Variants in SSC5D observed in about 807,000 individuals in gnomAD.
SSC5D encodes the protein soluble scavenger receptor cysteine-rich domain-containing protein SSC5D.
SSC5D carries 106 observed loss-of-function variants against 104.6 expected under a neutral mutation model. The ratio of observed to expected loss-of-function variants is 1.01; its 90% confidence interval spans 0.87 to 1.19. The LOEUF is 1.19. SSC5D is among the 50% of genes most tolerant of loss of function. SSC5D has a pLI of 0.00. For synonymous variants in SSC5D, 860 were observed against 883.5 expected (o/e 0.97, Z 0.47); for missense variants, 1,993 against 2,153.8 (o/e 0.93, Z 1.48).
intron 7 of SSC5D, 53 bp downstream of exon 7, chr19:55,493,965 G>A (rs536658849): frequency 2.5e-4 from 150 of 595,848 alleles, no homozygotes; most frequent in Non-Finnish European, 3.7e-4. Flanking sequence ...TGCTTGGAGC[G>A]GAGGGGCAAG....
rs1255693143 is a variant in SSC5D at position 55,489,553 on chromosome 19, C to T, written c.252C>T (p.Leu84=). Residue 84 remains leucine (L), a synonymous_variant, in exon 3 of 14, where the codon CTC becomes CTT. Coordinates refer to ENST00000389623, the MANE Select transcript of SSC5D (RefSeq NM_001144950.2). ...FFGEGAGPVW[L]SELACRGNEG... ...GGGAGGGGGCAGGGCCTGTGTGGCT[C>T]AGCGAGCTGGCTTGCCGGGGCAACG... 8 of 1,501,018 alleles carry T rather than the reference C, an allele frequency of 5.3e-6. No homozygotes were observed. The highest frequency in any genetic ancestry group is 7.1e-6 in the Non-Finnish European group (8 of 1,129,258). 93.0% of individuals were successfully genotyped at this position (1,501,018 alleles called of 1,614,324 possible). A position where few individuals can be genotyped will look rare whatever the true frequency, so the allele number is the denominator to read the frequency against.
rs866679288 is a variant in SSC5D, at chr19:55,501,058, C to T, written c.2642C>T (p.Pro881Leu). The T allele has an allele frequency of 6.4e-7, 1 of 1,551,866 alleles. No homozygotes were observed. Among genetic ancestry groups the T allele is most frequent in the Non-Finnish European group, 8.7e-7 (1 of 1,147,004 alleles). Residue 881 changes from proline (P) to leucine (L), a missense_variant, in exon 12 of 14, where the codon CCC becomes CTC. Transcript: ENST00000389623. ...GGCTACACAGACTATGACGATTATC[C>T]CCCCTGGACCTGGGACCCCACCTCA... ...CTGYTDYDDYPPWTWDPTSRE... is the reference protein window; with the variant it reads ...CTGYTDYDDYLPWTWDPTSRE...
intron 12 of SSC5D, among the ~76,000 whole-genome samples, chr19:55,507,312 G>C (rs1460262529): frequency 2.9e-5 from 4 of 139,406 alleles, no homozygotes; most frequent in Admixed American, 1.5e-4. Flanking sequence ...CCACTGCACT[G>C]CAGCCTGGAT....
intron 6 of SSC5D, among the ~76,000 whole-genome samples, 181 bp from the exon 7 acceptor site, chr19:55,493,414 C>G (rs906891939): frequency 6.6e-6 from 1 of 152,214 alleles, no homozygotes; most frequent in African/African-American, 2.4e-5. Flanking sequence ...ATGGGGGATG[C>G]GCCAGAGTTG....
At position 55,497,952 on chromosome 19, in the gene SSC5D, G is replaced by A. The variant is rs756479145; in HGVS notation, c.1460G>A (p.Arg487His). ...CGACTGGAGGTGTGGCATGACCAGC[G>A]CTGGGGGACCGTGTGTGACGATAGC... ...SGRLEVWHDQRWGTVCDDSWD... is the reference protein window; with the variant it reads ...SGRLEVWHDQHWGTVCDDSWD... The change falls in exon 9 of 14, where the codon CGC (arginine) becomes CAC (histidine). Residue 487 changes from arginine (R) to histidine (H), a missense_variant. Physicochemically the swap from Arg to His is conservative, Grantham distance 29. This residue lies in a region of SSC5D where 1,101 missense variants were observed against 1,085.0 expected (regional missense o/e 1.01). Transcript: ENST00000389623. The A allele has an allele frequency of 3.0e-5, 46 of 1,551,864 alleles. No individual in the cohort carries two copies. The highest frequency in any genetic ancestry group is 3.7e-5 in the Non-Finnish European group (42 of 1,147,034).
At chr19:55,512,752 G>A (rs1035553649) in intron 12 of SSC5D, among the ~76,000 whole-genome samples, 3 of 152,172 alleles carry the variant, frequency 2.0e-5, no homozygotes, top group African/African-American at 7.2e-5. Flanking sequence ...CAAAGTGCTG[G>A]GATTACAAGC....
rs1987371421 is a variant in SSC5D at position 55,498,039 on chromosome 19, C to T, written c.1547C>T (p.Pro516Leu). 1.3e-6 allele frequency: 2 copies of T among 1,551,636 alleles called. No individual in the cohort carries two copies. The highest frequency in any genetic ancestry group is 1.7e-6 in the Non-Finnish European group (2 of 1,147,024). ...CTGGGCTGTGGTGGACCTCAGCAGC[C>T]AGACCCTGCTGCTGGCCGCTTTGGC... ...RELGCGGPQQ[P>L]DPAAGRFGWG... Residue 516 changes from proline (P) to leucine (L), a missense_variant, in exon 9 of 14, where the codon CCA becomes CTA. Pro to Leu is a moderately conservative substitution (Grantham distance 98). Transcript: ENST00000389623.
chr19:55,513,784 C>T (rs1987809629), intron 13 of SSC5D, among the ~76,000 whole-genome samples: 1 of 152,132 alleles, frequency 6.6e-6, no homozygotes, highest in South Asian at 2.1e-4. Context: ...AACAAAGAAC[C>T]ACCCAGCCCT....
At chr19:55,516,452 A>T (rs4801169) in intron 13 of SSC5D, among the ~76,000 whole-genome samples, 3 of 150,648 alleles carry the variant, frequency 2.0e-5, no homozygotes, top group Non-Finnish European at 4.4e-5. Flanking sequence ...AGCCGAGATC[A>T]CGCCACTGCA....
intron 13 of SSC5D, among the ~76,000 whole-genome samples, chr19:55,516,911 C>T (rs941038944): frequency 6.6e-6 from 1 of 151,928 alleles, no homozygotes; most frequent in African/African-American, 2.4e-5. Context: ...CCCTCCCGCA[C>T]CCCAGCACCC....
chr19:55,501,222 G>A (rs1048624533), intron 12 of SSC5D, 21 bp downstream of exon 12: 33 of 1,486,524 alleles, frequency 2.2e-5, no homozygotes, highest in Non-Finnish European at 2.9e-5. Context: ...TGATTGGGGT[G>A]GCCATGGAGG....
chr19:55,488,938 C>A, intron 1 of SSC5D, 68 bp from the exon 2 acceptor site: 1 of 971,090 alleles, frequency 1.0e-6, no homozygotes, highest in Non-Finnish European at 1.6e-6. Context: ...GATGAGGGGC[C>A]TGCGCTGGAG....
chr19:55,491,144 C>T (rs1987134120), intron 6 of SSC5D, 64 bp downstream of exon 6: 3 of 1,485,712 alleles, frequency 2.0e-6, no homozygotes, highest in South Asian at 2.7e-5. Flanking sequence ...TCTTGCCCCT[C>T]CAGGAAGCTG....
At chr19:55,491,192 G>A in intron 6 of SSC5D, 112 bp downstream of exon 6, 1 of 1,236,408 alleles carries the variant, frequency 8.1e-7, no homozygotes. Context: ...CTGCCCGCCT[G>A]CTCTCTGCAT....
Position 55,494,669 on chromosome 19 carries a change from A to T in SSC5D, c.1273A>T (p.Arg425Trp). ...CACGGACAGCAACAACTCCACGCCC[A>T]GGGAGGCTGCCTCCAGGCCCCCGTC... is the stretch of plus-strand genomic sequence containing the variant. Reference protein sequence around the residue: ...APTDSNNSTPREAASRPPSTM... With the variant: ...APTDSNNSTPWEAASRPPSTM... The change falls in exon 8 of 14, where the codon AGG becomes TGG. Residue 425 changes from arginine (R) to tryptophan (W), a missense_variant. Arg to Trp is a moderately radical substitution (Grantham distance 101). Around this residue, in one of 6 missense-constraint regions of SSC5D, gnomAD observed 1,101 missense variants for 1,085.0 expected, o/e 1.01. Coordinates refer to ENST00000389623, the MANE Select transcript of SSC5D (RefSeq NM_001144950.2). The T allele has an allele frequency of 6.5e-7, 1 of 1,547,898 alleles. No homozygotes were observed. Among genetic ancestry groups the T allele is most frequent in the Non-Finnish European group, 8.7e-7 (1 of 1,145,610 alleles).
At position 55,517,903 on chromosome 19, in the gene SSC5D, C is replaced by G; in HGVS notation, c.3627C>G (p.Ile1209Met). The G allele has an allele frequency of 6.9e-7, 1 of 1,444,146 alleles. No homozygotes were observed. The highest frequency in any genetic ancestry group is 9.2e-7 in the Non-Finnish European group (1 of 1,082,322). 89.5% of individuals were successfully genotyped at this position (1,444,146 alleles called of 1,614,324 possible). A position where few individuals can be genotyped will look rare whatever the true frequency, so the allele number is the denominator to read the frequency against. Residue 1209 changes from isoleucine (I) to methionine (M), a missense_variant, in exon 14 of 14, where the codon ATC (isoleucine) becomes ATG (methionine). Around this residue, in one of 6 missense-constraint regions of SSC5D, gnomAD observed 20 missense variants for 102.5 expected, o/e 0.20. Transcript: ENST00000389623. ...CAACCCCTCAACCCTTCACCACCAT[C>G]ACTCACTCCACCATGATTCCTGACC... ...PTTTPQPFTT[I>M]THSTMIPDPT...
Position 55,490,396 on chromosome 19 carries a change from G to GC in SSC5D, c.580dup (p.Arg194ProfsTer31), listed in dbSNP as rs1289848908. 25 of 1,422,576 alleles carry GC rather than the reference G, an allele frequency of 1.8e-5. No individual in the cohort carries two copies. Among genetic ancestry groups the GC allele is most frequent in the Admixed American group, 2.3e-5 (1 of 43,008 alleles). The allele number at this position is 1,422,576 out of a possible 1,614,324, so 88.1% of individuals were successfully genotyped here. ...CCGGGCCCCTCTGCTGACGACAGGA[G>GC]CCCCCCGCCAAGGTAAGCTCCCTGC... On this transcript the variant is annotated frameshift_variant, in exon 5 of 14. Coordinates refer to ENST00000389623, the MANE Select transcript of SSC5D (RefSeq NM_001144950.2). LOFTEE classifies it high-confidence loss of function.
At chr19:55,509,772 T>C (rs1299325105) in intron 12 of SSC5D, among the ~76,000 whole-genome samples, 1 of 136,394 alleles carries the variant, frequency 7.3e-6, no homozygotes, top group African/African-American at 2.8e-5. Context: ...GGCAGGAGAA[T>C]GGCTTGAAAC....
rs1568485757 is a variant in SSC5D at position 55,517,324 on chromosome 19, A to G, written c.3048A>G (p.Gly1016=). Residue 1016 remains glycine (G), a synonymous_variant, in exon 14 of 14, where the codon GGA becomes GGG. Coordinates refer to ENST00000389623, the MANE Select transcript of SSC5D (RefSeq NM_001144950.2). The part of the protein sequence containing the change: ...TPSPGPSASP[G]PPGPALTSDS... ...CCCCAGGTCCCTCCGCCTCTCCGGG[A>G]CCCCCAGGCCCAGCGCTGACCTCTG... The G allele has an allele frequency of 2.6e-6, 4 of 1,548,714 alleles. No homozygotes were observed. The highest frequency in any genetic ancestry group is 1.4e-5 in the African/African-American group (1 of 72,502).
Sources: gnomAD v4.1 joint callset for allele counts (sites outside exome capture counted in the v4.1 genomes callset) on GRCh38, gnomAD v4.1.1 for gene constraint, gnomAD v4.1.1 regional missense constraint, MANE v1.5 for transcripts, NCBI Gene and HGNC (gene_info 2026-07-23, HGNC 2026-07-21) for gene names.